The following COL4A4 variants were observed in gnomAD, a reference collection of about 807,000 sequenced individuals.
The protein encoded by COL4A4 is collagen type IV alpha 4 chain.
In COL4A4, 105 loss-of-function variants were observed where a neutral mutation model predicts 192.9. The ratio of observed to expected loss-of-function variants is 0.54; its 90% CI spans 0.46 to 0.64. The LOEUF is 0.64. Among genes scored for constraint, COL4A4 ranks in the 30% least tolerant of loss-of-function variants. The pLI is 0.00. For synonymous variants in COL4A4, 762 were observed against 769.9 expected, an observed-to-expected ratio of 0.99 and a Z score of 0.17; for missense variants, 1,967 against 2,169.3, an observed-to-expected ratio of 0.91 and a Z score of 1.85.
chr2:226,978,414 C>T, the COL4A4 span, among the ~76,000 whole-genome samples: 5 of 152,058 alleles, frequency 3.3e-5, no homozygotes, highest in African/African-American at 9.7e-5. Context: ...AGCAAACTGG[C>T]GGAATATGAA....
chr2:227,047,658 G>T, intron 34 of COL4A4, 109 bp from the exon 35 acceptor site: 4 of 687,342 alleles, frequency 5.8e-6, no homozygotes, highest in Middle Eastern at 3.0e-4. Context: ...AGATATTTTA[G>T]GAGAGTGTTT....
intron 22 of COL4A4, among the ~76,000 whole-genome samples, chr2:227,082,730 C>A (rs780797251): frequency 6.6e-6 from 1 of 152,146 alleles, no homozygotes; most frequent in South Asian, 2.1e-4. Context: ...ATGGAAGTGA[C>A]GTCCTGCTAA....
At chr2:227,067,333 A>C (rs376156752) in intron 25 of COL4A4, among the ~76,000 whole-genome samples, 34 of 152,250 alleles carry the variant, frequency 2.2e-4, no homozygotes, top group South Asian at 1.7e-3. Flanking sequence ...ACAAGGATAC[A>C]CAGGAATTGA....
At chr2:227,147,221 G>A in intron 2 of COL4A4, 192 bp downstream of exon 2, 1 of 705,050 alleles carries the variant, frequency 1.4e-6, no homozygotes, top group Non-Finnish European at 2.6e-6. Context: ...TTTTGTGGAT[G>A]CATTTCAGGG....
intron 12 of COL4A4, among the ~76,000 whole-genome samples, chr2:227,106,318 C>A (rs1247432568): frequency 6.6e-6 from 1 of 152,124 alleles, no homozygotes; most frequent in Non-Finnish European, 1.5e-5. Flanking sequence ...CCCTTAAAAG[C>A]TGACAAGCAG....
intron 20 of COL4A4, among the ~76,000 whole-genome samples, chr2:227,092,082 C>A (rs72969775): frequency 6.6e-6 from 1 of 151,964 alleles, no homozygotes; most frequent in Non-Finnish European, 1.5e-5. Flanking sequence ...AAAAGAGCTC[C>A]TATGAGCTTC....
intron 37 of COL4A4, among the ~76,000 whole-genome samples, chr2:227,038,470 C>A (rs1421930477): frequency 6.6e-6 from 1 of 152,116 alleles, no homozygotes; most frequent in East Asian, 1.9e-4. Context: ...GTTACTGTAG[C>A]CTTGTACTAT....
intron 22 of COL4A4, among the ~76,000 whole-genome samples, chr2:227,083,853 G>A (rs565390791): frequency 6.6e-6 from 1 of 152,122 alleles, no homozygotes. Flanking sequence ...GGGGAGGAGG[G>A]TACCAGTGGA....
chr2:227,106,169 T>G (rs1463627332), intron 12 of COL4A4, among the ~76,000 whole-genome samples: 2 of 151,910 alleles, frequency 1.3e-5, no homozygotes, highest in Non-Finnish European at 2.9e-5. Context: ...ACAGTGTTGG[T>G]GTAGCACCTG....
chr2:227,080,653 G>T, intron 23 of COL4A4, 104 bp from the exon 24 acceptor site: 1 of 957,152 alleles, frequency 1.0e-6, no homozygotes, highest in Non-Finnish European at 1.6e-6. Context: ...TGGGTTGGTA[G>T]TTTCCTGTGT....
chr2:227,070,503 A>G (rs969837607), intron 25 of COL4A4, among the ~76,000 whole-genome samples: 87 of 152,148 alleles, frequency 5.7e-4, no homozygotes, highest in Non-Finnish European at 1.0e-3. Context: ...GATTAAGAAA[A>G]TGTGGCACAT....
chr2:226,974,837 T>TTGTATAATTGG, the COL4A4 span, among the ~76,000 whole-genome samples: 1 of 152,124 alleles, frequency 6.6e-6, no homozygotes, highest in Non-Finnish European at 1.5e-5. Flanking sequence ...TAATTGGAGA[T>TTGTATAATTGG]CACTCTTTTC....
At chr2:226,999,261 G>A (rs193141419), downstream of COL4A4, 2 of 152,258 alleles carry the variant, frequency 1.3e-5, no homozygotes, top group Admixed American at 1.3e-4. Flanking sequence ...ACTAGTGCCT[G>A]GTGCTTATTG....
intron 25 of COL4A4, among the ~76,000 whole-genome samples, chr2:227,070,881 A>T (rs1313334822): frequency 6.6e-5 from 10 of 151,482 alleles, no homozygotes; most frequent in Non-Finnish European, 2.9e-5. Context: ...ATAATAATAA[A>T]TAAATAAATA....
intron 31 of COL4A4, among the ~76,000 whole-genome samples, chr2:227,053,273 A>ATTATTG (rs1974529015): frequency 6.6e-6 from 1 of 152,194 alleles, no homozygotes; most frequent in Admixed American, 6.5e-5. Context: ...TAAAACAAAA[A>ATTATTG]ATTGTGGTAG....
At chr2:227,001,765 A>G (rs562437662), downstream of COL4A4, among the ~76,000 whole-genome samples, 492 of 152,300 alleles carry the variant, frequency 3.2e-3, 2 homozygotes, top group African/African-American at 0.011. Flanking sequence ...AGCAGAGCCA[A>G]TACTGCTGCT....
chr2:227,042,046 T>C, intron 37 of COL4A4, 102 bp downstream of exon 37: 1 of 800,134 alleles, frequency 1.2e-6, no homozygotes, highest in South Asian at 1.3e-5. Context: ...AAGAGTGGTA[T>C]AACCAAGAGC....
chr2:227,140,007 G>A (rs2063091241), intron 4 of COL4A4, among the ~76,000 whole-genome samples, 154 bp downstream of exon 4: 1 of 152,194 alleles, frequency 6.6e-6, no homozygotes, highest in Non-Finnish European at 1.5e-5. Flanking sequence ...ATATAGTTGA[G>A]ATTGCTATTA....
At chr2:227,001,228 G>T (rs1960889761), downstream of COL4A4, among the ~76,000 whole-genome samples, 1 of 151,910 alleles carries the variant, frequency 6.6e-6, no homozygotes, top group South Asian at 2.1e-4. Flanking sequence ...CCAAGTAGCT[G>T]GGACTACAGG....
Sources: allele counts gnomAD v4.1 joint callset (sites outside exome capture counted in the v4.1 genomes callset), GRCh38; gene constraint gnomAD v4.1.1; transcripts MANE v1.5; gene names NCBI Gene and HGNC (gene_info 2026-07-23, HGNC 2026-07-21).